The following BPI variants were observed in gnomAD, a reference collection of about 807,000 sequenced individuals.
BPI encodes the protein bactericidal permeability-increasing protein.
Under a neutral mutation model 57.6 loss-of-function variants are expected in BPI, and 48 were observed. The ratio of observed to expected loss-of-function variants is 0.83; its 90% CI spans 0.66 to 1.06. The LOEUF (loss-of-function observed/expected upper bound fraction) is 1.06, where lower values mean the gene tolerates loss of function less well. BPI is among the 50% of genes least tolerant of loss of function. The pLI is 0.00. For missense variants in BPI, 651 were observed against 609.7 expected, an observed-to-expected ratio of 1.07 and a Z score of -0.71; for synonymous variants, 237 against 238.2, an observed-to-expected ratio of 0.99 and a Z score of 0.05.
intron 5 of BPI, among the ~76,000 whole-genome samples, chr20:38,313,721 G>T (rs1190861156): frequency 6.6e-6 from 1 of 151,256 alleles, no homozygotes; most frequent in South Asian, 2.1e-4. Flanking sequence ...GGGGATGATG[G>T]TGATGATGGT....
At chr20:38,325,674 A>T (rs1172590636) in intron 9 of BPI, among the ~76,000 whole-genome samples, 1 of 152,192 alleles carries the variant, frequency 6.6e-6, no homozygotes, top group Non-Finnish European at 1.5e-5. Context: ...TGTTCATAGC[A>T]GTGTCTCTGG....
rs79943885 is a variant in BPI at position 38,331,483 on chromosome 20, G to A, written c.1272+393G>A. Among the ~76,000 whole-genome samples the A allele has an allele frequency of 7.1e-3, 1,083 of 152,246 alleles. 13 individuals are homozygous for A. The highest frequency in any genetic ancestry group is 0.025 in the African/African-American group (1,034 of 41,528). ...AAGTACTCTTCCAAGTATGGGGTAG[G>A]CTGATGCATCAGACAGGGAAGTGAT... On this transcript the variant is annotated intron_variant, in intron 12 of 14. Coordinates refer to ENST00000642449, the MANE Select transcript of BPI (RefSeq NM_001725.3).
At chr20:38,329,594 G>A (rs1198630790) in intron 11 of BPI, among the ~76,000 whole-genome samples, 6 of 152,184 alleles carry the variant, frequency 3.9e-5, no homozygotes, top group Non-Finnish European at 5.9e-5. Flanking sequence ...GAGAATCCAC[G>A]GAGCAGAAAT....
At chr20:38,308,015 G>T (rs2076605154) in intron 2 of BPI, among the ~76,000 whole-genome samples, 1 of 152,208 alleles carries the variant, frequency 6.6e-6, no homozygotes, top group South Asian at 2.1e-4. Flanking sequence ...GAAGAGTCTG[G>T]CTTCAGGTTC....
intron 6 of BPI, chr20:38,319,931 C>T: frequency 9.8e-6 from 5 of 508,702 alleles, no homozygotes; most frequent in Admixed American, 3.3e-5. Flanking sequence ...TCTCTCTGTG[C>T]CCTTGACCCT....
chr20:38,306,431 G>T (rs2076597007), intron 1 of BPI, among the ~76,000 whole-genome samples: 1 of 152,230 alleles, frequency 6.6e-6, no homozygotes, highest in African/African-American at 2.4e-5. Flanking sequence ...GACTTCAGGG[G>T]GCTTACATGT....
intron 8 of BPI, among the ~76,000 whole-genome samples, chr20:38,324,332 A>C (rs2076701519): frequency 6.6e-6 from 1 of 152,230 alleles, no homozygotes; most frequent in Non-Finnish European, 1.5e-5. Flanking sequence ...TGCCTGATTA[A>C]ATGAGATATT....
chr20:38,318,006 G>A (rs1371920640), intron 5 of BPI: 3 of 984,982 alleles, frequency 3.0e-6, no homozygotes, highest in Middle Eastern at 5.2e-4. Context: ...AGAAGCCCAG[G>A]TAAGGGAAGG....
intron 12 of BPI, among the ~76,000 whole-genome samples, chr20:38,331,843 CA>C (rs71644569): frequency 0.091 from 7,336 of 80,932 alleles, 406 homozygotes; most frequent in East Asian, 0.42. Flanking sequence ...AATCTTGTCT[CA>C]AAAAAAAAAA....
At position 38,326,306 on chromosome 20, in the gene BPI, C is replaced by G; in HGVS notation, c.1035C>G (p.Val345=). Residue 345 remains valine (V), a synonymous_variant, in exon 10 of 15, where the codon GTC becomes GTG. Coordinates refer to ENST00000642449, the MANE Select transcript of BPI (RefSeq NM_001725.3). ...KFPNMKIQIH[V]SASTPPHLSV... ...CCAACATGAAGATACAGATCCATGT[C>G]TCAGCCTCCACCCCGCCACACCTGT... The G allele has an allele frequency of 6.2e-7, 1 of 1,613,968 alleles. No individual in the cohort carries two copies. The highest frequency in any genetic ancestry group is 8.5e-7 in the Non-Finnish European group (1 of 1,179,918).
intron 14 of BPI, among the ~76,000 whole-genome samples, chr20:38,336,755 T>A (rs2122576119): frequency 6.6e-6 from 1 of 152,254 alleles, no homozygotes; most frequent in South Asian, 2.1e-4. Context: ...AAATGACCCA[T>A]GGCACAATTT....
In BPI at chr20:38,324,845, C is replaced by G; in HGVS notation, c.993+12C>G. The G allele has an allele frequency of 6.2e-7, 1 of 1,606,812 alleles. No homozygotes were observed. Among genetic ancestry groups the G allele is most frequent in the Non-Finnish European group, 8.5e-7 (1 of 1,173,434 alleles). ...CCTTCCTACCTGAGGTATGGAAGACCTTGCTTTCCTTTAGTGAGCCCCGGG... is the reference window on the plus strand; with the variant it reads ...CCTTCCTACCTGAGGTATGGAAGACGTTGCTTTCCTTTAGTGAGCCCCGGG... On this transcript the variant is annotated intron_variant, in intron 9 of 14. Coordinates refer to ENST00000642449, the MANE Select transcript of BPI (RefSeq NM_001725.3).
intron 5 of BPI, among the ~76,000 whole-genome samples, chr20:38,312,429 G>C (rs544089777): frequency 6.6e-6 from 1 of 152,336 alleles, no homozygotes; most frequent in South Asian, 2.1e-4. Flanking sequence ...AGCACTTCCC[G>C]AACCATGCCC....
chr20:38,310,263 T>A (rs2076615610), intron 3 of BPI, among the ~76,000 whole-genome samples: 2 of 152,116 alleles, frequency 1.3e-5, no homozygotes. Flanking sequence ...GAAGCAGTGG[T>A]TAAGAGCAGG....
At position 38,327,641 on chromosome 20, in the gene BPI, G is replaced by C. The variant is rs1568817751; in HGVS notation, c.1215G>C (p.Glu405Asp). The change falls in exon 11 of 15, where the codon GAG (glutamate) becomes GAC (aspartate). Residue 405 changes from glutamate (E) to aspartate (D), a missense_variant. Coordinates refer to ENST00000642449, the MANE Select transcript of BPI (RefSeq NM_001725.3). The part of the protein sequence containing the change: ...VSAESNRLVG[E>D]LKLDRLLLEL... ...CCGAGTCCAACAGGCTTGTTGGAGA[G>C]CTCAAGCTGGATAGGTAAGTGGGCC... The C allele has an allele frequency of 6.2e-6, 10 of 1,613,558 alleles. No homozygotes were observed. Among genetic ancestry groups the C allele is most frequent in the Non-Finnish European group, 6.8e-6 (8 of 1,179,708 alleles).
intron 10 of BPI, 25 bp from the exon 11 acceptor site, chr20:38,327,563 T>A: frequency 6.2e-7 from 1 of 1,611,828 alleles, no homozygotes. Context: ...TCAGGGCACT[T>A]CACCCTGGGT....
chr20:38,328,866 C>A (rs71351565), intron 11 of BPI, among the ~76,000 whole-genome samples: 12,677 of 151,022 alleles, frequency 0.084, 744 homozygotes, highest in Non-Finnish European at 0.13. Context: ...ATTAGCCAGG[C>A]ATGGTGGTGC....
At chr20:38,305,158 G>A (rs2076591035) in intron 1 of BPI, among the ~76,000 whole-genome samples, 1 of 152,088 alleles carries the variant, frequency 6.6e-6, no homozygotes. Context: ...GGTGCGTTGG[G>A]AAAACAGACA....
intron 5 of BPI, among the ~76,000 whole-genome samples, chr20:38,315,587 C>G (rs779663537): frequency 1.3e-5 from 2 of 152,202 alleles, no homozygotes; most frequent in Non-Finnish European, 2.9e-5. Flanking sequence ...CCTCAGCTGC[C>G]AGCTGTGCTG....
Sources: gnomAD v4.1 joint callset for allele counts (sites outside exome capture counted in the v4.1 genomes callset) on GRCh38, gnomAD v4.1.1 for gene constraint, MANE v1.5 for transcripts, NCBI Gene and HGNC (gene_info 2026-07-23, HGNC 2026-07-21) for gene names.